PBX3: variants seen among roughly 807,000 people sequenced by gnomAD.
PBX3 encodes the protein PBX homeobox 3, also known as pre-B-cell leukemia transcription factor 3.
PBX3 carries 14 observed loss-of-function variants against 48.5 expected under a neutral mutation model. That is an observed-to-expected ratio of 0.29 (90% CI 0.19 to 0.45). The LOEUF is 0.45. PBX3 is among the 20% of genes least tolerant of loss of function. The pLI is 1.00. For synonymous variants in PBX3, 210 were observed against 200.3 expected, an observed-to-expected ratio of 1.05 and a Z score of -0.41; for missense variants, 386 against 546.7, an observed-to-expected ratio of 0.71 and a Z score of 2.93.
intron 2 of PBX3, among the ~76,000 whole-genome samples, chr9:125,792,481 G>A (rs375974620): frequency 1.6e-4 from 24 of 152,132 alleles, no homozygotes; most frequent in African/African-American, 5.5e-4. Context: ...TAGAACTAAG[G>A]AGTCCCTTAG....
intron 2 of PBX3, among the ~76,000 whole-genome samples, chr9:125,777,114 C>T (rs758869218): frequency 2.6e-5 from 4 of 151,150 alleles, no homozygotes; most frequent in Non-Finnish European, 2.9e-5. Flanking sequence ...CAGGTTCAAG[C>T]GATTCTTGTG....
intron 2 of PBX3, among the ~76,000 whole-genome samples, chr9:125,778,748 G>A (rs888329713): frequency 2.0e-5 from 3 of 148,534 alleles, no homozygotes; most frequent in Non-Finnish European, 4.5e-5. Context: ...GCTAGGCTTT[G>A]CTGTTTGGAG....
At chr9:125,828,623 A>G (rs1354476015) in intron 2 of PBX3, among the ~76,000 whole-genome samples, 1 of 152,226 alleles carries the variant, frequency 6.6e-6, no homozygotes, top group African/African-American at 2.4e-5. Flanking sequence ...TTAGCATATC[A>G]TGTCATATCA....
intron 2 of PBX3, among the ~76,000 whole-genome samples, chr9:125,834,280 G>A (rs192778879): frequency 8.5e-5 from 13 of 152,294 alleles, no homozygotes; most frequent in Admixed American, 7.8e-4. Context: ...GAGAAGTATA[G>A]CTGAGGAGGG....
At chr9:125,906,387 C>G (rs751642756) in intron 2 of PBX3, among the ~76,000 whole-genome samples, 1 of 151,966 alleles carries the variant, frequency 6.6e-6, no homozygotes, top group Non-Finnish European at 1.5e-5. Context: ...ATAAAATGGA[C>G]ATTCCTTCCT....
At chr9:125,901,825 T>G (rs1840952236) in intron 2 of PBX3, among the ~76,000 whole-genome samples, 1 of 151,748 alleles carries the variant, frequency 6.6e-6, no homozygotes, top group South Asian at 2.1e-4. Flanking sequence ...GTGTTTATTT[T>G]AGTTGTCTCA....
intron 2 of PBX3, among the ~76,000 whole-genome samples, chr9:125,871,213 A>G (rs891396438): frequency 5.9e-5 from 9 of 152,270 alleles, no homozygotes; most frequent in African/African-American, 2.2e-4. Context: ...CCTGGCCAAC[A>G]TAGTGAAACC....
intron 2 of PBX3, among the ~76,000 whole-genome samples, chr9:125,785,998 T>A (rs1837448458): frequency 6.6e-6 from 1 of 152,202 alleles, no homozygotes; most frequent in South Asian, 2.1e-4. Flanking sequence ...TTTGACTATT[T>A]TCTAGCATAC....
chr9:125,786,767 C>A (rs12684758), intron 2 of PBX3, among the ~76,000 whole-genome samples: 3,026 of 151,840 alleles, frequency 0.02, 163 homozygotes, highest in East Asian at 0.17. Flanking sequence ...CTCTGTCACC[C>A]AGACTGGAGT....
intron 2 of PBX3, among the ~76,000 whole-genome samples, chr9:125,913,472 A>G (rs1332509286): frequency 1.3e-5 from 2 of 152,114 alleles, no homozygotes; most frequent in African/African-American, 2.4e-5. Context: ...GATGGTTTAT[A>G]TACGTATTTA....
chr9:125,765,918 G>C (rs1382593332), intron 2 of PBX3, among the ~76,000 whole-genome samples: 1 of 152,024 alleles, frequency 6.6e-6, no homozygotes, highest in Non-Finnish European at 1.5e-5. Flanking sequence ...CTACTTAAAA[G>C]GGCTTGTTCT....
At chr9:125,952,362 C>T (rs929284924) in intron 5 of PBX3, among the ~76,000 whole-genome samples, 1 of 152,238 alleles carries the variant, frequency 6.6e-6, no homozygotes, top group Non-Finnish European at 1.5e-5. Flanking sequence ...TTCTGCACTT[C>T]TGCCTCTTGG....
At chr9:125,833,269 T>G (rs773335490) in intron 2 of PBX3, among the ~76,000 whole-genome samples, 9 of 152,130 alleles carry the variant, frequency 5.9e-5, no homozygotes, top group Non-Finnish European at 1.3e-4. Context: ...GTAGATTGCC[T>G]CAGCTCAGGA....
intron 2 of PBX3, among the ~76,000 whole-genome samples, chr9:125,860,207 G>A (rs527565858): frequency 6.6e-6 from 1 of 152,198 alleles, no homozygotes; most frequent in African/African-American, 2.4e-5. Context: ...CCTCCCATAA[G>A]TAAAGCAACT....
intron 2 of PBX3, among the ~76,000 whole-genome samples, chr9:125,874,007 C>A (rs536952111): frequency 2.0e-5 from 3 of 152,112 alleles, no homozygotes; most frequent in African/African-American, 7.2e-5. Context: ...CAAATAAATA[C>A]CACTGGATCT....
intron 2 of PBX3, among the ~76,000 whole-genome samples, chr9:125,782,518 G>C (rs1014361169): frequency 6.6e-6 from 1 of 152,080 alleles, no homozygotes; most frequent in African/African-American, 2.4e-5. Context: ...ATACGTGTGT[G>C]CTCATTAAAA....
intron 5 of PBX3, 72 bp downstream of exon 5, chr9:125,935,679 T>C: frequency 1.5e-6 from 2 of 1,357,498 alleles, no homozygotes; most frequent in South Asian, 1.4e-5. Flanking sequence ...CAGGGCATTA[T>C]TATCAAATTT....
In PBX3 at chr9:125,815,693, G is replaced by GGT. The variant is rs35255670; in HGVS notation, c.274+67094_274+67095dup. 7.9e-3 allele frequency among the ~76,000 whole-genome samples: 1,184 copies of GGT among 149,574 alleles called. 5 individuals are homozygous for GGT. The highest frequency in any genetic ancestry group is 0.031 in the Middle Eastern group (9 of 294). ...GGGCAAATGTTCTTTGCAGTGACTG[G>GGT]GTGTGTGTGTGTGTGTGTGTGTGTG... is the stretch of plus-strand genomic sequence containing the variant. On this transcript the variant is annotated intron_variant, in intron 2 of 8. Transcript: ENST00000373489.
At chr9:125,790,501 G>A (rs1038255370) in intron 2 of PBX3, among the ~76,000 whole-genome samples, 2 of 151,876 alleles carry the variant, frequency 1.3e-5, no homozygotes, top group Non-Finnish European at 2.9e-5. Flanking sequence ...CAATCTGCTC[G>A]CCTCAGCCTC....
Sources: allele counts gnomAD v4.1 joint callset (sites outside exome capture counted in the v4.1 genomes callset), GRCh38; gene constraint gnomAD v4.1.1; transcripts MANE v1.5; gene names NCBI Gene and HGNC (gene_info 2026-07-23, HGNC 2026-07-21).